The following CTNND2 variants were observed in gnomAD, a reference collection of about 807,000 sequenced individuals.
The protein encoded by CTNND2 is catenin delta-2.
CTNND2 carries 22 observed loss-of-function variants against 144.4 expected under a neutral mutation model. The ratio of observed to expected loss-of-function variants is 0.15; its 90% CI spans 0.11 to 0.22. CTNND2 has a LOEUF of 0.22. Among genes scored for constraint, CTNND2 ranks in the 10% least tolerant of loss-of-function variants. CTNND2 has a pLI of 1.00. For synonymous variants in CTNND2, 751 were observed against 695.6 expected (o/e 1.08, Z -1.25); for missense variants, 1,353 against 1,618.8 (o/e 0.84, Z 2.82).
intron 2 of CTNND2, among the ~76,000 whole-genome samples, chr5:11,650,699 C>G (rs1004104529): frequency 6.6e-6 from 1 of 152,184 alleles, no homozygotes; most frequent in Non-Finnish European, 1.5e-5. Context: ...TCTTGCTATG[C>G]TTTAGCAAAG....
chr5:11,113,896 G>T (rs1328022619), intron 13 of CTNND2, among the ~76,000 whole-genome samples: 2 of 152,274 alleles, frequency 1.3e-5, no homozygotes, highest in South Asian at 4.1e-4. Context: ...ATTACCGAGG[G>T]CATGAAAACT....
intron 20 of CTNND2, among the ~76,000 whole-genome samples, chr5:10,986,112 G>A (rs1000935971): frequency 6.6e-6 from 1 of 152,194 alleles, no homozygotes; most frequent in Non-Finnish European, 1.5e-5. Context: ...GCATTTTTAA[G>A]TAAGTTAGAG....
chr5:11,260,466 C>G (rs929865611), intron 9 of CTNND2, among the ~76,000 whole-genome samples: 1 of 152,040 alleles, frequency 6.6e-6, no homozygotes, highest in African/African-American at 2.4e-5. Context: ...TTTACAATAT[C>G]AAAATATTTA....
chr5:11,770,033 G>T (rs1227751991), intron 1 of CTNND2, among the ~76,000 whole-genome samples: 1 of 152,202 alleles, frequency 6.6e-6, no homozygotes, highest in Non-Finnish European at 1.5e-5. Flanking sequence ...AATTCAAAAT[G>T]GCTGATGAAT....
intron 3 of CTNND2, among the ~76,000 whole-genome samples, chr5:11,450,670 C>A (rs1344920815): frequency 6.6e-6 from 1 of 151,982 alleles, no homozygotes. Flanking sequence ...GAGGCCGAGG[C>A]GGGTGGATCA....
intron 2 of CTNND2, among the ~76,000 whole-genome samples, chr5:11,583,688 T>G (rs1561588015): frequency 6.6e-6 from 1 of 152,208 alleles, no homozygotes. Context: ...TTCAGAATAA[T>G]AACAAAATAA....
At chr5:11,369,271 T>C (rs1034719488) in intron 7 of CTNND2, among the ~76,000 whole-genome samples, 1 of 152,182 alleles carries the variant, frequency 6.6e-6, no homozygotes, top group African/African-American at 2.4e-5. Context: ...TAGAAAGGAA[T>C]AGGGCATAAA....
intron 2 of CTNND2, among the ~76,000 whole-genome samples, chr5:11,609,303 G>C (rs1460341182): frequency 6.6e-6 from 1 of 152,264 alleles, no homozygotes; most frequent in Admixed American, 6.5e-5. Context: ...CCTATCTACT[G>C]TCCACTAAAT....
Position 11,887,383 on chromosome 5 carries a change from T to G in CTNND2, c.37+16434A>C, listed in dbSNP as rs146543921. Among the ~76,000 whole-genome samples, 938 of 152,240 alleles carry G rather than the reference T, an allele frequency of 6.2e-3. 9 individuals are homozygous for G. Among genetic ancestry groups the G allele is most frequent in the African/African-American group, 0.022 (899 of 41,530 alleles). The stretch of plus-strand genomic sequence containing the variant: ...AACTGATAAAAATATTTTAGGCTGA[T>G]TTGCTATTTAATTAGAAATCAATTT... On this transcript the variant is annotated intron_variant, in intron 1 of 21. Coordinates refer to ENST00000304623, the MANE Select transcript of CTNND2 (RefSeq NM_001332.4).
chr5:11,585,611 C>G (rs1231995028), intron 2 of CTNND2, among the ~76,000 whole-genome samples: 1 of 151,952 alleles, frequency 6.6e-6, no homozygotes, highest in Non-Finnish European at 1.5e-5. Context: ...AGACAAAAAT[C>G]CCTGCCTTCA....
chr5:11,381,370 T>C (rs990899039), intron 7 of CTNND2, among the ~76,000 whole-genome samples: 1 of 152,198 alleles, frequency 6.6e-6, no homozygotes, highest in Non-Finnish European at 1.5e-5. Flanking sequence ...AAAGGCAGCA[T>C]CAAGTTCTCC....
rs72735000 is a variant in CTNND2, at chr5:11,786,925, A to G, written c.38-54653T>C. Among the ~76,000 whole-genome samples the G allele has an allele frequency of 8.4e-3, 1,281 of 152,340 alleles. 8 individuals carry two copies. The highest frequency in any genetic ancestry group is 0.014 in the Non-Finnish European group (985 of 68,022). On this transcript the variant is annotated intron_variant, in intron 1 of 21. Coordinates refer to ENST00000304623, the MANE Select transcript of CTNND2 (RefSeq NM_001332.4). ...ACAGAAGTAAGCATATGAAAATGTC[A>G]GAGGAAGGGACTCTGCCTTCCTAAA...
intron 2 of CTNND2, among the ~76,000 whole-genome samples, chr5:11,593,155 A>C (rs1190300080): frequency 6.6e-6 from 1 of 152,210 alleles, no homozygotes; most frequent in East Asian, 1.9e-4. Flanking sequence ...GGAGTAGCCA[A>C]GGCTTTCTTA....
intron 13 of CTNND2, among the ~76,000 whole-genome samples, chr5:11,112,294 G>A (rs1753076200): frequency 6.6e-6 from 1 of 152,184 alleles, no homozygotes; most frequent in Non-Finnish European, 1.5e-5. Flanking sequence ...CAAGGGGCCT[G>A]TACGTCAAAG....
intron 9 of CTNND2, among the ~76,000 whole-genome samples, chr5:11,308,361 A>T (rs1019349565): frequency 6.6e-6 from 1 of 152,206 alleles, no homozygotes; most frequent in African/African-American, 2.4e-5. Context: ...CTTTGGAAAC[A>T]GTCTCTCACA....
intron 2 of CTNND2, among the ~76,000 whole-genome samples, chr5:11,594,600 T>C (rs2150145974): frequency 6.6e-6 from 1 of 152,344 alleles, no homozygotes; most frequent in South Asian, 2.1e-4. Context: ...GAATCACTAT[T>C]TGCTGTGGTA....
intron 3 of CTNND2, among the ~76,000 whole-genome samples, chr5:11,494,903 C>T (rs2149999107): frequency 6.6e-6 from 1 of 152,216 alleles, no homozygotes; most frequent in African/African-American, 2.4e-5. Context: ...CTCAGTATTC[C>T]ATTCAGACTC....
chr5:11,714,672 C>T (rs541664684), intron 2 of CTNND2, among the ~76,000 whole-genome samples: 3 of 151,898 alleles, frequency 2.0e-5, no homozygotes, highest in African/African-American at 7.2e-5. Flanking sequence ...TTTGGGAGGC[C>T]GAGGCGGGCG....
At chr5:11,165,002 A>C (rs373536838) in intron 11 of CTNND2, among the ~76,000 whole-genome samples, 1 of 152,200 alleles carries the variant, frequency 6.6e-6, no homozygotes, top group South Asian at 2.1e-4. Flanking sequence ...AAGAAAAATA[A>C]AAAATAACAG....
Sources: allele counts gnomAD v4.1 joint callset (sites outside exome capture counted in the v4.1 genomes callset), GRCh38; gene constraint gnomAD v4.1.1; transcripts MANE v1.5; gene names NCBI Gene and HGNC (gene_info 2026-07-23, HGNC 2026-07-21).